TENM4: variants seen among roughly 807,000 people sequenced by gnomAD.
TENM4 encodes the protein teneurin-4.
TENM4 carries 82 observed loss-of-function variants against 243.3 expected under a neutral mutation model. The observed-to-expected ratio is 0.34, with a 90% CI of 0.28 to 0.40. TENM4 has a LOEUF of 0.40. Ranked by LOEUF, TENM4 falls within the 10% of genes least tolerant of loss-of-function variation. The pLI is 1.00. For missense variants in TENM4, 3,138 were observed against 3,673.3 expected (o/e 0.85, Z 3.77); for synonymous variants, 1,412 against 1,456.3 (o/e 0.97, Z 0.69).
intron 1 of TENM4, among the ~76,000 whole-genome samples, chr11:79,415,125 G>C (rs1442813536): frequency 6.6e-6 from 1 of 152,206 alleles, no homozygotes; most frequent in Admixed American, 6.5e-5. Context: ...CATTAAGACT[G>C]TCTCTCTCTT....
intron 6 of TENM4, among the ~76,000 whole-genome samples, chr11:79,057,442 G>T (rs1184014477): frequency 6.6e-6 from 1 of 151,880 alleles, no homozygotes; most frequent in Non-Finnish European, 1.5e-5. Context: ...CTCACCTACC[G>T]CAAGGCTATG....
At chr11:79,277,724 G>A (rs72949022) in intron 2 of TENM4, among the ~76,000 whole-genome samples, 283 of 152,288 alleles carry the variant, frequency 1.9e-3, no homozygotes, top group Non-Finnish European at 3.1e-3. Context: ...GCCTGTCTGA[G>A]CCTTGGTTTT....
intron 4 of TENM4, among the ~76,000 whole-genome samples, chr11:79,143,871 C>T (rs1321705803): frequency 1.3e-5 from 2 of 151,696 alleles, no homozygotes; most frequent in African/African-American, 4.8e-5. Flanking sequence ...GAGAAACTCT[C>T]CAGGACACTG....
chr11:79,421,699 T>C (rs1398889199), intron 1 of TENM4, among the ~76,000 whole-genome samples: 1 of 148,998 alleles, frequency 6.7e-6, no homozygotes, highest in Non-Finnish European at 1.5e-5. Flanking sequence ...TCCCTGGCTC[T>C]GAAATTAAAA....
chr11:78,751,764 A>G (rs931797217), intron 19 of TENM4, among the ~76,000 whole-genome samples: 2 of 152,162 alleles, frequency 1.3e-5, no homozygotes, highest in Non-Finnish European at 2.9e-5. Context: ...GTGCTTGCCC[A>G]GGAGATGTCT....
chr11:78,830,830 A>G (rs1035452691), intron 12 of TENM4, among the ~76,000 whole-genome samples: 1 of 152,208 alleles, frequency 6.6e-6, no homozygotes, highest in African/African-American at 2.4e-5. Flanking sequence ...AAGAAGTACT[A>G]GAATATTTGA....
At chr11:78,668,603 A>C (rs1196600841) in intron 32 of TENM4, among the ~76,000 whole-genome samples, 1 of 152,210 alleles carries the variant, frequency 6.6e-6, no homozygotes, top group African/African-American at 2.4e-5. Context: ...TGGTGAAAAA[A>C]GGGCTTTTAC....
Position 79,425,369 on chromosome 11 carries a change from C to T in TENM4, c.-321+15140G>A, listed in dbSNP as rs1399563614. Among the ~76,000 whole-genome samples the T allele has an allele frequency of 2.6e-5, 4 of 152,306 alleles. No individual in the cohort carries two copies. In the South Asian group the frequency reaches 6.2e-4, roughly 24 times the overall value. Reference sequence around the variant, plus strand: ...ACTCCCTCCACAAGCTGTCTAATCTCTTCTGGGATGTTCTGGCTGATGCTG... The same window carrying T: ...ACTCCCTCCACAAGCTGTCTAATCTTTTCTGGGATGTTCTGGCTGATGCTG... On this transcript the variant is annotated intron_variant, in intron 1 of 33. Transcript: ENST00000278550.
intron 9 of TENM4, among the ~76,000 whole-genome samples, chr11:78,889,104 A>G (rs1465001157): frequency 6.6e-6 from 1 of 152,172 alleles, no homozygotes; most frequent in Non-Finnish European, 1.5e-5. Context: ...AGAGGTCGGG[A>G]GGAGCTCCTT....
intron 1 of TENM4, among the ~76,000 whole-genome samples, chr11:79,361,296 T>C (rs1291497287): frequency 6.6e-6 from 1 of 152,244 alleles, no homozygotes; most frequent in Non-Finnish European, 1.5e-5. Context: ...GTCAGATTCA[T>C]GATTTTAGAG....
At chr11:78,866,096 T>C (rs1475915136) in intron 9 of TENM4, among the ~76,000 whole-genome samples, 1 of 152,250 alleles carries the variant, frequency 6.6e-6, no homozygotes, top group African/African-American at 2.4e-5. Context: ...ACCTCCTATG[T>C]AGGTGACAAT....
intron 12 of TENM4, among the ~76,000 whole-genome samples, chr11:78,835,827 C>G (rs1858093925): frequency 6.6e-6 from 1 of 152,214 alleles, no homozygotes; most frequent in African/African-American, 2.4e-5. Flanking sequence ...ATCACAGTCA[C>G]ATTACTGATC....
intron 6 of TENM4, among the ~76,000 whole-genome samples, chr11:78,982,211 A>G (rs1202427956): frequency 1.3e-5 from 2 of 152,144 alleles, no homozygotes; most frequent in South Asian, 2.1e-4. Flanking sequence ...GTTGGCAAGT[A>G]CCATGTGCCA....
chr11:79,064,658 T>C (rs1355745702), intron 6 of TENM4, 80 bp downstream of exon 6: 4 of 1,516,860 alleles, frequency 2.6e-6, no homozygotes, highest in Non-Finnish European at 3.6e-6. Context: ...GCCCCGGCAG[T>C]GGAGCAGGAA....
intron 12 of TENM4, among the ~76,000 whole-genome samples, chr11:78,823,537 G>A (rs368446686): frequency 6.6e-6 from 1 of 152,202 alleles, no homozygotes. Context: ...TTAAGGTCAA[G>A]GTGGAACCAA....
intron 3 of TENM4, among the ~76,000 whole-genome samples, chr11:79,209,691 G>T (rs560318479): frequency 6.6e-6 from 1 of 152,318 alleles, no homozygotes; most frequent in South Asian, 2.1e-4. Context: ...AGCTGAAACC[G>T]GCATGAGGTT....
chr11:78,676,770 T>TATTTTCCAATTTATTTAACC (rs750084913), intron 29 of TENM4, among the ~76,000 whole-genome samples: 1 of 151,960 alleles, frequency 6.6e-6, no homozygotes, highest in African/African-American at 2.4e-5. Context: ...GAAAATACTT[T>TATTTTCCAATTTATTTAACC]AAGTTATTTA....
At chr11:79,019,515 G>C (rs562294855) in intron 6 of TENM4, among the ~76,000 whole-genome samples, 49 of 152,218 alleles carry the variant, frequency 3.2e-4, no homozygotes, top group African/African-American at 1.1e-3. Context: ...TATCTTTCAG[G>C]TTTCTATTTG....
intron 20 of TENM4, among the ~76,000 whole-genome samples, chr11:78,736,542 C>T (rs1855802355): frequency 6.6e-6 from 1 of 151,660 alleles, no homozygotes; most frequent in Non-Finnish European, 1.5e-5. Flanking sequence ...ATGGTGCCTT[C>T]CTGGAAAGCG....
Sources: allele counts gnomAD v4.1 joint callset (sites outside exome capture counted in the v4.1 genomes callset), GRCh38; gene constraint gnomAD v4.1.1; transcripts MANE v1.5; gene names NCBI Gene and HGNC (gene_info 2026-07-23, HGNC 2026-07-21).